The following KMT2C variants were observed in gnomAD, a reference collection of about 807,000 sequenced individuals.
KMT2C encodes lysine methyltransferase 2C, also known as histone-lysine N-methyltransferase 2C.
A neutral mutation model predicts 507.9 loss-of-function variants in KMT2C; 88 were observed. That is an observed-to-expected ratio of 0.17 (90% CI 0.15 to 0.21). The LOEUF (loss-of-function observed/expected upper bound fraction) is 0.21. Ranked by LOEUF, KMT2C falls within the 10% of genes least tolerant of loss-of-function variation. The pLI is 1.00. For missense variants in KMT2C, 4,954 were observed against 5,957.8 expected, an observed-to-expected ratio of 0.83 and a Z score of 5.55; for synonymous variants, 2,049 against 2,080.8, an observed-to-expected ratio of 0.98 and a Z score of 0.42.
At chr7:152,411,406 C>T (rs2987518) in intron 1 of KMT2C, among the ~76,000 whole-genome samples, 1 of 151,830 alleles carries the variant, frequency 6.6e-6, no homozygotes, top group Non-Finnish European at 1.5e-5. Context: ...AAAAAAAGAG[C>T]ATTTTATTTC....
At chr7:152,231,027 G>A (rs2095091918) in intron 16 of KMT2C, among the ~76,000 whole-genome samples, 1 of 152,120 alleles carries the variant, frequency 6.6e-6, no homozygotes, top group African/African-American at 2.4e-5. Flanking sequence ...ATATTGGTCA[G>A]GCTGGTCTCT....
chr7:152,309,343 G>T (rs2096649203), intron 6 of KMT2C, among the ~76,000 whole-genome samples: 3 of 142,696 alleles, frequency 2.1e-5, no homozygotes, highest in Non-Finnish European at 4.5e-5. Context: ...TTGAGGCAGG[G>T]TCTCACTCCA....
intron 1 of KMT2C, among the ~76,000 whole-genome samples, chr7:152,392,952 G>A (rs951788287): frequency 1.1e-4 from 16 of 152,198 alleles, no homozygotes; most frequent in African/African-American, 3.6e-4. Context: ...AACATTAGCC[G>A]GGTGTGGTGG....
rs777428715 is a variant in KMT2C, at chr7:152,251,931, A to G, written c.1621+8T>C. 6.4e-7 allele frequency: 1 copy of G among 1,564,350 alleles called. No homozygotes were observed. The highest frequency in any genetic ancestry group is 1.4e-5 in the African/African-American group (1 of 72,722). On this transcript the variant is annotated splice_region_variant and intron_variant, in intron 11 of 58. Transcript: ENST00000262189. The stretch of plus-strand genomic sequence containing the variant: ...AAAAATTTAAAAAAAAATCATTCTC[A>G]AATTTACCTGTAGTGAGCTCAGCTA...
chr7:152,263,376 A>C (rs2095811643), intron 8 of KMT2C, among the ~76,000 whole-genome samples: 1 of 152,202 alleles, frequency 6.6e-6, no homozygotes, highest in Non-Finnish European at 1.5e-5. Context: ...CAAAGGAGGA[A>C]GGGTTAAGGC....
intron 42 of KMT2C, 29 bp downstream of exon 42, chr7:152,167,117 A>ACC (rs1036484953): frequency 1.3e-6 from 2 of 1,519,818 alleles, no homozygotes; most frequent in East Asian, 4.5e-5. Flanking sequence ...AATTGTTGGT[A>ACC]GTTTCTATTT....
intron 16 of KMT2C, among the ~76,000 whole-genome samples, chr7:152,231,944 G>A (rs10232190): frequency 0.16 from 18,132 of 113,936 alleles, 2,707 homozygotes; most frequent in African/African-American, 0.4. Context: ...CAGTGGTGCA[G>A]TCTCGGCTCA....
chr7:152,288,855 C>T (rs530174565), intron 6 of KMT2C, among the ~76,000 whole-genome samples: 1 of 152,352 alleles, frequency 6.6e-6, no homozygotes, highest in African/African-American at 2.4e-5. Flanking sequence ...CACCTGAAAC[C>T]ATGGAGGCCA....
Position 152,212,072 on chromosome 7 carries a change from A to C in KMT2C, c.3713-4644T>G, listed in dbSNP as rs183112425. 2.6e-3 allele frequency among the ~76,000 whole-genome samples: 395 copies of C among 152,274 alleles called. 1 individual carries two copies. The highest frequency in any genetic ancestry group is 9.0e-3 in the African/African-American group (375 of 41,546). ...AAAGAAACGAAGAAAAGAGAAGAGA[A>C]GAGACGAGACGAGGACAGAAAGAAA... On this transcript the variant is annotated intron_variant, in intron 23 of 58. Coordinates refer to ENST00000262189, the MANE Select transcript of KMT2C (RefSeq NM_170606.3).
At chr7:152,238,498 CA>C (rs1434569713) in intron 15 of KMT2C, among the ~76,000 whole-genome samples, 1 of 152,220 alleles carries the variant, frequency 6.6e-6, no homozygotes, top group Non-Finnish European at 1.5e-5. Context: ...GTAATCACAA[CA>C]AAAGGAATTA....
At position 152,370,522 on chromosome 7, in the gene KMT2C, A is replaced by G. The variant is rs1417375020; in HGVS notation, c.162-11847T>C. Among the ~76,000 whole-genome samples, 3 of 152,238 alleles carry G rather than the reference A, an allele frequency of 2.0e-5. No individual in the cohort carries two copies. In the East Asian group the frequency reaches 5.8e-4, roughly 29 times the overall value. ...TCTCCACTCATTTAATGAGGTCAGCATTATCCTAAAGCCAAAATCAGGCAA... is the reference window on the plus strand; with the variant it reads ...TCTCCACTCATTTAATGAGGTCAGCGTTATCCTAAAGCCAAAATCAGGCAA... On this transcript the variant is annotated intron_variant, in intron 1 of 58. Coordinates refer to ENST00000262189, the MANE Select transcript of KMT2C (RefSeq NM_170606.3).
Position 152,136,878 on chromosome 7 carries a change from A to ATCT in KMT2C, c.14687_14689dup (p.Lys4896dup). 1 of 1,613,648 alleles carries ATCT rather than the reference A, an allele frequency of 6.2e-7. No homozygotes were observed. Among genetic ancestry groups the ATCT allele is most frequent in the Non-Finnish European group, 8.5e-7 (1 of 1,180,000 alleles). On this transcript the variant is annotated inframe_insertion, in exon 59 of 59. Transcript: ENST00000262189. ...GTTCACAGCTCCACAGTGACACGGA[A>ATCT]TCTTGTGCTGGTCATCTTCAAAGTC... is the stretch of plus-strand genomic sequence containing the variant.
rs544556288 is a variant in KMT2C at position 152,205,082 on chromosome 7, T to A, written c.3961+24A>T. 1.7e-3 allele frequency: 2,372 copies of A among 1,431,898 alleles called. 10 individuals are homozygous for A. The highest frequency in any genetic ancestry group is 1.7e-3 in the Non-Finnish European group (1,795 of 1,059,902). The allele number at this position is 1,431,898 out of a possible 1,614,324, so 88.7% of individuals were successfully genotyped here. A position where few individuals can be genotyped will look rare whatever the true frequency, so the allele number is the denominator to read the frequency against. On this transcript the variant is annotated intron_variant, in intron 25 of 58. Coordinates refer to ENST00000262189, the MANE Select transcript of KMT2C (RefSeq NM_170606.3). ...CCAAAGGGTTACATTAAAAAAAAAA[T>A]TTTTTTTTAAGTCAGTACTATACCA...
intron 18 of KMT2C, among the ~76,000 whole-genome samples, chr7:152,227,545 C>A (rs535184606): frequency 2.6e-5 from 4 of 152,312 alleles, no homozygotes; most frequent in African/African-American, 9.6e-5. Flanking sequence ...AGGAAACACT[C>A]AGGGAGTCCT....
At chr7:152,193,737 A>G (rs1304212390) in intron 31 of KMT2C, among the ~76,000 whole-genome samples, 6 of 152,088 alleles carry the variant, frequency 3.9e-5, no homozygotes, top group African/African-American at 1.4e-4. Context: ...GAGTGGAGTG[A>G]GCTGGGAATG....
intron 38 of KMT2C, among the ~76,000 whole-genome samples, 154 bp downstream of exon 38, chr7:152,176,037 C>T (rs550564534): frequency 1.3e-5 from 2 of 152,146 alleles, no homozygotes; most frequent in African/African-American, 4.8e-5. Context: ...AGTGAGACTC[C>T]GTCTCAAAAC....
chr7:152,358,860 A>G (rs553119820), intron 1 of KMT2C, among the ~76,000 whole-genome samples, 185 bp from the exon 2 acceptor site: 139 of 152,284 alleles, frequency 9.1e-4, no homozygotes, highest in Middle Eastern at 6.8e-3. Context: ...CCTTAAATCC[A>G]GCACTTCCTT....
intron 3 of KMT2C, among the ~76,000 whole-genome samples, chr7:152,325,234 G>A (rs781749288): frequency 2.0e-5 from 3 of 149,412 alleles, no homozygotes; most frequent in East Asian, 4.0e-4. Context: ...TCACTGCAAC[G>A]TCCACCTCCC....
Position 152,285,491 on chromosome 7 carries a change from C to T in KMT2C, c.850-11624G>A, listed in dbSNP as rs2096281161. Reference sequence around the variant, plus strand: ...TATACCTTAACAAAACAATGGCTCTCACACATAAATTTATTTATTTATTGG... The same window carrying T: ...TATACCTTAACAAAACAATGGCTCTTACACATAAATTTATTTATTTATTGG... On this transcript the variant is annotated intron_variant, in intron 6 of 58. Transcript: ENST00000262189. Among the ~76,000 whole-genome samples the T allele has an allele frequency of 2.6e-5, 4 of 152,266 alleles. No individual in the cohort carries two copies. In the South Asian group the frequency reaches 8.3e-4, roughly 31 times the overall value.
Sources: allele counts gnomAD v4.1 joint callset (sites outside exome capture counted in the v4.1 genomes callset), GRCh38; gene constraint gnomAD v4.1.1; transcripts MANE v1.5; gene names NCBI Gene and HGNC (gene_info 2026-07-23, HGNC 2026-07-21).